The following LRMDA variants were observed in gnomAD, a reference collection of about 807,000 sequenced individuals.
LRMDA encodes the protein leucine rich melanocyte differentiation associated, also known as leucine-rich melanocyte differentiation-associated protein.
In LRMDA, 18 loss-of-function variants were observed where a neutral mutation model predicts 29.8. The observed-to-expected ratio is 0.60, with a 90% CI of 0.42 to 0.90. LRMDA has a LOEUF of 0.90. Among genes scored for constraint, LRMDA ranks in the 40% least tolerant of loss-of-function variants. The probability of loss-of-function intolerance (pLI) is 0.00; values close to 1 mark genes in which losing one functional copy is unlikely to be tolerated. For missense variants in LRMDA, 273 were observed against 273.9 expected, an observed-to-expected ratio of 1.00 and a Z score of 0.02; for synonymous variants, 125 against 109.4, an observed-to-expected ratio of 1.14 and a Z score of -0.89.
intron 1 of LRMDA, among the ~76,000 whole-genome samples, chr10:75,437,838 G>C (rs1844278826): frequency 6.6e-6 from 1 of 152,182 alleles, no homozygotes; most frequent in Admixed American, 6.5e-5. Flanking sequence ...AATCAGCTTT[G>C]TTTGGGTGTG....
intron 2 of LRMDA, among the ~76,000 whole-genome samples, chr10:75,839,712 T>C (rs1443538489): frequency 7.1e-6 from 1 of 141,420 alleles, no homozygotes; most frequent in Non-Finnish European, 1.5e-5. Flanking sequence ...TTTTTTTTTT[T>C]TTTTTTTTTT....
intron 6 of LRMDA, among the ~76,000 whole-genome samples, chr10:76,534,380 G>A (rs574222091): frequency 3.3e-5 from 5 of 152,256 alleles, no homozygotes; most frequent in East Asian, 1.9e-4. Context: ...GAAGGGATGC[G>A]TGGCAGTTCA....
At chr10:75,808,655 A>G (rs1185525471) in intron 2 of LRMDA, among the ~76,000 whole-genome samples, 1 of 152,020 alleles carries the variant, frequency 6.6e-6, no homozygotes, top group African/African-American at 2.4e-5. Flanking sequence ...GATTATAGGC[A>G]TGCACCACCA....
At chr10:76,063,566 ATG>A (rs376792487) in intron 5 of LRMDA, among the ~76,000 whole-genome samples, 2 of 151,588 alleles carry the variant, frequency 1.3e-5, no homozygotes, top group African/African-American at 2.4e-5. Context: ...GCTATTGTGT[ATG>A]TGTGTGTGTG....
intron 5 of LRMDA, among the ~76,000 whole-genome samples, chr10:76,122,198 G>C (rs11001619): frequency 0.19 from 28,836 of 152,066 alleles, 2,843 homozygotes; most frequent in Admixed American, 0.25. Flanking sequence ...CTCCAAGGGA[G>C]TGTGAGAGAC....
intron 6 of LRMDA, among the ~76,000 whole-genome samples, chr10:76,443,944 A>G (rs1265891179): frequency 6.6e-6 from 1 of 152,144 alleles, no homozygotes. Flanking sequence ...GGTTGGGTGT[A>G]TGGACAAGGA....
At chr10:75,860,255 G>A (rs1260836773) in intron 2 of LRMDA, among the ~76,000 whole-genome samples, 1 of 150,060 alleles carries the variant, frequency 6.7e-6, no homozygotes, top group Non-Finnish European at 1.5e-5. Flanking sequence ...TCTAGAGCCT[G>A]AGGACTACGC....
In LRMDA at chr10:75,644,650, C is replaced by T. The variant is rs1231244643; in HGVS notation, c.131+206156C>T. ...CAGGGAAGGATGCAGGCAGATGTGT[C>T]ACACTGGACCCTTAGGCTTTTGTGT... is the stretch of plus-strand genomic sequence containing the variant. On this transcript the variant is annotated intron_variant, in intron 2 of 6. Coordinates refer to ENST00000611255, the MANE Select transcript of LRMDA (RefSeq NM_001305581.2). 1.3e-5 allele frequency among the ~76,000 whole-genome samples: 2 copies of T among 152,114 alleles called. 1 individual carries two copies. Among genetic ancestry groups the T allele is most frequent in the African/African-American group, 4.8e-5 (2 of 41,398 alleles).
intron 2 of LRMDA, among the ~76,000 whole-genome samples, chr10:75,666,258 A>T (rs1411915565): frequency 4.6e-5 from 7 of 151,758 alleles, no homozygotes; most frequent in African/African-American, 7.2e-5. Context: ...GACCACAGGA[A>T]TTCAGACAAG....
intron 4 of LRMDA, among the ~76,000 whole-genome samples, chr10:76,051,233 A>G (rs554754975): frequency 1.1e-4 from 16 of 152,186 alleles, no homozygotes; most frequent in Admixed American, 4.6e-4. Context: ...CTAATCTACA[A>G]TCTGGGCTTT....
chr10:75,503,538 TA>T (rs2132071297), intron 2 of LRMDA, among the ~76,000 whole-genome samples: 1 of 152,078 alleles, frequency 6.6e-6, no homozygotes, highest in Non-Finnish European at 1.5e-5. Flanking sequence ...TCCATTAGGC[TA>T]ATAAAATATT....
chr10:75,704,195 A>G (rs1198367925), intron 2 of LRMDA, among the ~76,000 whole-genome samples: 1 of 152,204 alleles, frequency 6.6e-6, no homozygotes, highest in East Asian at 1.9e-4. Flanking sequence ...TGAAATATGC[A>G]TTATTGTCTC....
chr10:75,707,033 G>C (rs1842378645), intron 2 of LRMDA, among the ~76,000 whole-genome samples: 1 of 152,182 alleles, frequency 6.6e-6, no homozygotes, highest in Admixed American at 6.5e-5. Context: ...ATTCTCTCAA[G>C]TCACAATACA....
chr10:75,651,513 T>C (rs887659758), intron 2 of LRMDA, among the ~76,000 whole-genome samples: 1 of 152,226 alleles, frequency 6.6e-6, no homozygotes, highest in African/African-American at 2.4e-5. Flanking sequence ...ATCCATTCTC[T>C]GGACACTCAA....
At chr10:75,932,000 G>A (rs576461177) in intron 2 of LRMDA, among the ~76,000 whole-genome samples, 82 of 152,218 alleles carry the variant, frequency 5.4e-4, no homozygotes, top group African/African-American at 1.8e-3. Context: ...CAGAACCAGA[G>A]GTTCATGAAG....
Position 76,040,899 on chromosome 10 carries a change from A to G in LRMDA, c.258+4765A>G, listed in dbSNP as rs181515938. On this transcript the variant is annotated intron_variant, in intron 3 of 6. Coordinates refer to ENST00000611255, the MANE Select transcript of LRMDA (RefSeq NM_001305581.2). ...TGGATTATAGTGCCAGCACGAAGAA[A>G]GAATGGTGCTACATGTTACACAGCT... 1.4e-3 allele frequency among the ~76,000 whole-genome samples: 210 copies of G among 152,342 alleles called. 2 individuals carry two copies. The highest frequency in any genetic ancestry group is 2.5e-3 in the Non-Finnish European group (167 of 68,034).
At chr10:76,298,334 G>A (rs1361456969) in intron 5 of LRMDA, among the ~76,000 whole-genome samples, 1 of 152,200 alleles carries the variant, frequency 6.6e-6, no homozygotes, top group Non-Finnish European at 1.5e-5. Flanking sequence ...AGCTGGACGT[G>A]GTGAGAGATT....
chr10:75,929,293 C>CTCTGTGTGTGTG (rs1356774992), intron 2 of LRMDA, among the ~76,000 whole-genome samples: 1 of 108,314 alleles, frequency 9.2e-6, no homozygotes, highest in Admixed American at 9.7e-5. Flanking sequence ...AATGCATGAT[C>CTCTGTGTGTGTG]TATGTGTGTG....
At chr10:76,378,732 T>G (rs148490461) in intron 6 of LRMDA, among the ~76,000 whole-genome samples, 27 of 152,278 alleles carry the variant, frequency 1.8e-4, no homozygotes, top group Non-Finnish European at 3.8e-4. Context: ...CCCACTTGAT[T>G]ATGATATATT....
Sources: allele counts gnomAD v4.1 joint callset (sites outside exome capture counted in the v4.1 genomes callset), GRCh38; gene constraint gnomAD v4.1.1; transcripts MANE v1.5; gene names NCBI Gene and HGNC (gene_info 2026-07-23, HGNC 2026-07-21).